PHC2: variants seen among roughly 807,000 people sequenced by gnomAD.
PHC2 encodes polyhomeotic homolog 2.
In PHC2, 29 loss-of-function variants were observed where a neutral mutation model predicts 87.4. That is an observed-to-expected ratio of 0.33 (90% confidence interval 0.25 to 0.45). The LOEUF (loss-of-function observed/expected upper bound fraction) is 0.45. Among genes scored for constraint, PHC2 ranks in the 20% least tolerant of loss-of-function variants. PHC2 has a pLI of 1.00. For missense variants in PHC2, 857 were observed against 1,136.7 expected, an observed-to-expected ratio of 0.75 and a Z score of 3.54; for synonymous variants, 438 against 461.7, an observed-to-expected ratio of 0.95 and a Z score of 0.66.
chr1:33,426,317 TGG>T (rs34820645), intron 1 of PHC2, among the ~76,000 whole-genome samples: 3 of 149,190 alleles, frequency 2.0e-5, no homozygotes, highest in East Asian at 2.0e-4. Flanking sequence ...TCAAAGCTGC[TGG>T]GGGGGGGTCC....
intron 4 of PHC2, 49 bp from the exon 5 acceptor site, chr1:33,370,634 G>C: frequency 1.3e-6 from 2 of 1,538,830 alleles, no homozygotes; most frequent in Non-Finnish European, 1.8e-6. Flanking sequence ...CTGTTGGTGA[G>C]CTGTGTCCCC....
intron 9 of PHC2, among the ~76,000 whole-genome samples, chr1:33,340,165 T>C (rs1646716437): frequency 6.6e-6 from 1 of 152,212 alleles, no homozygotes; most frequent in African/African-American, 2.4e-5. Flanking sequence ...CTATTTACTG[T>C]TTGGTTGCAG....
At chr1:33,330,264 C>T (rs759671792) in intron 12 of PHC2, 52 bp from the exon 13 acceptor site, 3 of 1,594,032 alleles carry the variant, frequency 1.9e-6, no homozygotes, top group African/African-American at 2.7e-5. Context: ...TGCTTATGGG[C>T]CGTAGGCAGA....
chr1:33,354,257 C>G, intron 9 of PHC2, 144 bp downstream of exon 9: 1 of 700,170 alleles, frequency 1.4e-6, no homozygotes. Flanking sequence ...CATCTTCTCA[C>G]ATCCCTCCTC....
chr1:33,413,787 G>C (rs1650078699), intron 1 of PHC2, among the ~76,000 whole-genome samples: 1 of 152,160 alleles, frequency 6.6e-6, no homozygotes, highest in African/African-American at 2.4e-5. Flanking sequence ...TTGATCCACT[G>C]TATGTAAACC....
chr1:33,379,346 G>GC (rs1391679121), intron 1 of PHC2, among the ~76,000 whole-genome samples: 1 of 34,124 alleles, frequency 2.9e-5, no homozygotes, highest in Non-Finnish European at 5.3e-5. Context: ...CCCCCCCACC[G>GC]CCCCCTGCCC....
At chr1:33,398,674 A>T (rs1649393016) in intron 1 of PHC2, among the ~76,000 whole-genome samples, 1 of 152,202 alleles carries the variant, frequency 6.6e-6, no homozygotes, top group Admixed American at 6.5e-5. Flanking sequence ...TTCTGCCCAC[A>T]TTGGTCCTCT....
intron 2 of PHC2, among the ~76,000 whole-genome samples, chr1:33,373,183 T>C (rs1336840106): frequency 6.6e-6 from 1 of 152,172 alleles, no homozygotes; most frequent in African/African-American, 2.4e-5. Context: ...AATGGCGTGA[T>C]CTCGGCTCAC....
intron 9 of PHC2, among the ~76,000 whole-genome samples, chr1:33,352,916 C>G (rs1397422663): frequency 6.6e-6 from 1 of 152,152 alleles, no homozygotes; most frequent in Non-Finnish European, 1.5e-5. Context: ...TACTTATGTC[C>G]TAGGGCTGTC....
intron 1 of PHC2, among the ~76,000 whole-genome samples, chr1:33,385,610 C>CT (rs1162991361): frequency 6.6e-6 from 1 of 152,138 alleles, no homozygotes. Flanking sequence ...CAGAAGTTGA[C>CT]TTTTTTTCCC....
chr1:33,374,455 G>C (rs936820479), intron 2 of PHC2, among the ~76,000 whole-genome samples: 13 of 152,240 alleles, frequency 8.5e-5, no homozygotes, highest in African/African-American at 3.1e-4. Flanking sequence ...GCACGAGGTA[G>C]AAATAAGTGG....
chr1:33,408,686 C>T (rs1382883176), intron 1 of PHC2, among the ~76,000 whole-genome samples: 1 of 152,034 alleles, frequency 6.6e-6, no homozygotes, highest in African/African-American at 2.4e-5. Flanking sequence ...AGGCTGGTCT[C>T]GAACTCCTAA....
intron 9 of PHC2, among the ~76,000 whole-genome samples, chr1:33,341,291 C>T (rs991876404): frequency 3.9e-5 from 6 of 152,222 alleles, no homozygotes; most frequent in African/African-American, 1.4e-4. Context: ...TTAGACTTTT[C>T]CGGGTGGGCC....
At position 33,354,584 on chromosome 1, in the gene PHC2, A is replaced by T. The variant is rs779841008; in HGVS notation, c.1393-18T>A. ...TGCTGGGGCTGTCAAAGGACAGGACAGAGAGGGGGGCCTCTCAGAAATAGC... is the reference window on the plus strand; with the variant it reads ...TGCTGGGGCTGTCAAAGGACAGGACTGAGAGGGGGGCCTCTCAGAAATAGC... On this transcript the variant is annotated intron_variant, in intron 8 of 14. Transcript: ENST00000683057. The T allele has an allele frequency of 6.2e-6, 10 of 1,605,208 alleles. No individual in the cohort carries two copies. The highest frequency in any genetic ancestry group is 8.5e-6 in the Non-Finnish European group (10 of 1,175,460).
At chr1:33,408,493 C>T (rs1481582715) in intron 1 of PHC2, among the ~76,000 whole-genome samples, 1 of 152,074 alleles carries the variant, frequency 6.6e-6, no homozygotes, top group East Asian at 1.9e-4. Flanking sequence ...TGAAGTCTCG[C>T]TCTGTCACCC....
At chr1:33,329,307 G>A (rs1299996178) in intron 13 of PHC2, among the ~76,000 whole-genome samples, 161 bp from the exon 14 acceptor site, 1 of 152,090 alleles carries the variant, frequency 6.6e-6, no homozygotes, top group Non-Finnish European at 1.5e-5. Flanking sequence ...CCTACCCTAG[G>A]CAGAGTTAGT....
chr1:33,330,249 C>G, intron 12 of PHC2, 37 bp from the exon 13 acceptor site: 1 of 1,609,490 alleles, frequency 6.2e-7, no homozygotes, highest in Non-Finnish European at 8.5e-7. Context: ...TCACAGTAGT[C>G]ATTGTGCTTA....
chr1:33,389,059 T>TTA (rs761123041), intron 1 of PHC2, among the ~76,000 whole-genome samples: 1 of 137,872 alleles, frequency 7.3e-6, no homozygotes, highest in Non-Finnish European at 1.5e-5. Context: ...ATGTTCTTGT[T>TTA]AAAAAAAAAA....
In PHC2 at chr1:33,367,332, G is replaced by C. The variant is rs10914692; in HGVS notation, c.760C>G (p.Pro254Ala). 2.2e-5 allele frequency: 35 copies of C among 1,613,158 alleles called. No individual in the cohort carries two copies. In the South Asian group the frequency reaches 2.9e-4, roughly 13 times the overall value. The change falls in exon 7 of 15, where the codon CCC (proline) becomes GCC (alanine). Residue 254 changes from proline to alanine, a missense_variant. By Grantham distance (27) the Pro-to-Ala change is conservative. Coordinates refer to ENST00000683057, the MANE Select transcript of PHC2 (RefSeq NM_001385109.1). The part of the protein sequence containing the change: ...QPVLPSLALK[P>A]TPGGSQPLPT... ...AGAGGCTGGCTACCGCCCGGCGTGG[G>C]TTTCAGGGCCAAGCTGGGCAGGACA...
Sources: gnomAD v4.1 joint callset for allele counts (sites outside exome capture counted in the v4.1 genomes callset) on GRCh38, gnomAD v4.1.1 for gene constraint, MANE v1.5 for transcripts, NCBI Gene and HGNC (gene_info 2026-07-23, HGNC 2026-07-21) for gene names.